The following RGSL1 variants were observed in gnomAD, a reference collection of about 807,000 sequenced individuals.
RGSL1 encodes the protein regulator of G protein signaling like 1, also known as regulator of G protein signaling protein-like.
RGSL1 carries 97 observed loss-of-function variants against 124.7 expected under a neutral mutation model. The observed-to-expected ratio is 0.78, with a 90% CI of 0.66 to 0.92. The LOEUF is 0.92. Among genes scored for constraint, RGSL1 ranks in the 40% least tolerant of loss-of-function variants. The pLI is 0.00. For missense variants in RGSL1, 1,233 were observed against 1,288.4 expected (o/e 0.96, Z 0.66); for synonymous variants, 424 against 438.1 (o/e 0.97, Z 0.40).
At chr1:182,492,188 G>A (rs765582351) in intron 8 of RGSL1, among the ~76,000 whole-genome samples, 2 of 152,164 alleles carry the variant, frequency 1.3e-5, no homozygotes, top group African/African-American at 4.8e-5. Context: ...TTTTTTTGAA[G>A]CAATAGTAGA....
chr1:182,543,708 T>G (rs4651125), intron 15 of RGSL1, among the ~76,000 whole-genome samples: 79,439 of 151,800 alleles, frequency 0.52, 20,996 homozygotes, highest in Non-Finnish European at 0.56. Context: ...GGCTTCAATC[T>G]TGTTACTCAT....
At chr1:182,527,540 T>C in intron 10 of RGSL1, 39 bp from the exon 11 acceptor site, 2 of 1,491,374 alleles carry the variant, frequency 1.3e-6, no homozygotes, top group Non-Finnish European at 1.8e-6. Context: ...AGAATCATCA[T>C]TCCTTTCTCT....
At position 182,548,733 on chromosome 1, in the gene RGSL1, C is replaced by G; in HGVS notation, c.2842C>G (p.Leu948Val). 2 of 1,551,628 alleles carry G rather than the reference C, an allele frequency of 1.3e-6. No homozygotes were observed. The highest frequency in any genetic ancestry group is 2.0e-5 in the Admixed American group (1 of 50,994). Reference sequence around the variant, plus strand: ...CCCTGAGTTCCAGAAGGATGCCATCCTTGCTGCCATCACAGAGGGCTACCT... The same window carrying G: ...CCCTGAGTTCCAGAAGGATGCCATCGTTGCTGCCATCACAGAGGGCTACCT... ...NVPEFQKDAI[L>V]AAITEGYLDR... The change falls in exon 17 of 22, where the codon CTT (leucine) becomes GTT (valine). Residue 948 changes from leucine (L) to valine (V), a missense_variant. Coordinates refer to ENST00000294854, the MANE Select transcript of RGSL1 (RefSeq NM_001137669.2).
At chr1:182,499,767 TG>T (rs1656213204) in intron 9 of RGSL1, among the ~76,000 whole-genome samples, 1 of 152,230 alleles carries the variant, frequency 6.6e-6, no homozygotes, top group African/African-American at 2.4e-5. Flanking sequence ...ATAGTGTCAA[TG>T]GCCTATGTAC....
chr1:182,504,099 G>A (rs919658728), intron 9 of RGSL1, among the ~76,000 whole-genome samples: 2 of 150,390 alleles, frequency 1.3e-5, no homozygotes, highest in Non-Finnish European at 2.9e-5. Flanking sequence ...CCCTGCCTCA[G>A]CCTCCTGAGT....
chr1:182,548,733 C>T lies in RGSL1; in HGVS notation c.2842C>T (p.Leu948Phe). ...CCCTGAGTTCCAGAAGGATGCCATC[C>T]TTGCTGCCATCACAGAGGGCTACCT... Reference protein sequence around the residue: ...NVPEFQKDAILAAITEGYLDR... With the variant: ...NVPEFQKDAIFAAITEGYLDR... The change falls in exon 17 of 22, where the codon CTT becomes TTT. Residue 948 changes from leucine (L) to phenylalanine (F), a missense_variant. Coordinates refer to ENST00000294854, the MANE Select transcript of RGSL1 (RefSeq NM_001137669.2). 1.3e-6 allele frequency: 2 copies of T among 1,551,628 alleles called. No individual in the cohort carries two copies. Among genetic ancestry groups the T allele is most frequent in the Non-Finnish European group, 1.7e-6 (2 of 1,146,964 alleles).
intron 9 of RGSL1, among the ~76,000 whole-genome samples, chr1:182,521,793 T>C (rs1192415267): frequency 1.3e-5 from 2 of 152,204 alleles, no homozygotes; most frequent in African/African-American, 4.8e-5. Flanking sequence ...AACATACTTA[T>C]ATAACATAAC....
At chr1:182,449,125 A>G (rs1438001980), upstream of RGSL1, among the ~76,000 whole-genome samples, 2 of 152,224 alleles carry the variant, frequency 1.3e-5, no homozygotes, top group Admixed American at 6.5e-5. Context: ...TGACTAATTA[A>G]TAAGGTGAAT....
chr1:182,506,386 A>AT lies in RGSL1; in HGVS notation c.1825+13263dup, dbSNP rs893409407. ...AGACATTACTAATCTCCCACTCTGG[A>AT]TTTTTTCATTTATCTTTTTAGTACT... On this transcript the variant is annotated intron_variant, in intron 9 of 21. Transcript: ENST00000294854. Among the ~76,000 whole-genome samples the AT allele has an allele frequency of 5.3e-5, 8 of 152,106 alleles. 1 individual carries two copies. The highest frequency in any genetic ancestry group is 1.9e-4 in the East Asian group (1 of 5,170).
chr1:182,518,647 A>G (rs1182430444), intron 9 of RGSL1, among the ~76,000 whole-genome samples: 2 of 152,106 alleles, frequency 1.3e-5, no homozygotes, highest in Admixed American at 1.3e-4. Context: ...TTAAACCTCA[A>G]TCTCACTTTT....
chr1:182,533,153 A>C (rs1226460553), intron 14 of RGSL1, among the ~76,000 whole-genome samples: 1 of 152,240 alleles, frequency 6.6e-6, no homozygotes, highest in East Asian at 1.9e-4. Flanking sequence ...TTGCAGAAAT[A>C]TATAGTATAG....
chr1:182,468,488 A>G (rs573975070), intron 4 of RGSL1, among the ~76,000 whole-genome samples: 7 of 152,336 alleles, frequency 4.6e-5, no homozygotes, highest in African/African-American at 1.7e-4. Flanking sequence ...GAAGCTGGAA[A>G]GTGTCATTCT....
chr1:182,523,461 C>T (rs1478142592), intron 10 of RGSL1, among the ~76,000 whole-genome samples: 1 of 152,166 alleles, frequency 6.6e-6, no homozygotes, highest in Non-Finnish European at 1.5e-5. Flanking sequence ...AATCATTTGT[C>T]ACTTTTGCTT....
At chr1:182,477,686 T>G (rs1654402873) in intron 6 of RGSL1, among the ~76,000 whole-genome samples, 1 of 152,116 alleles carries the variant, frequency 6.6e-6, no homozygotes, top group African/African-American at 2.4e-5. Flanking sequence ...AGGCTCTAAC[T>G]CCATCTGCCC....
intron 11 of RGSL1, among the ~76,000 whole-genome samples, chr1:182,528,732 GC>G (rs1558388331): frequency 6.6e-6 from 1 of 152,176 alleles, no homozygotes; most frequent in Non-Finnish European, 1.5e-5. Flanking sequence ...CACCCTTGTG[GC>G]TTTACAGGGT....
At position 182,527,760 on chromosome 1, in the gene RGSL1, C is replaced by A. The variant is rs1388878239; in HGVS notation, c.2113C>A (p.Gln705Lys). 3.2e-6 allele frequency: 5 copies of A among 1,549,790 alleles called. No homozygotes were observed. The East Asian group carries it at 1.2e-4, about 38-fold the overall frequency. Reference sequence around the variant, plus strand: ...TGTAATCAAGACTTTCTTCCAAGGCCAACTCTCTCCTGGTATGCATCCTCT... The same window carrying A: ...TGTAATCAAGACTTTCTTCCAAGGCAAACTCTCTCCTGGTATGCATCCTCT... ...ENVIKTFFQG[Q>K]LSPEEMLQCD... Residue 705 changes from glutamine (Q) to lysine (K), a missense_variant, in exon 11 of 22, where the codon CAA becomes AAA. Coordinates refer to ENST00000294854, the MANE Select transcript of RGSL1 (RefSeq NM_001137669.2).
chr1:182,461,823 A>G (rs1652863398), intron 4 of RGSL1, among the ~76,000 whole-genome samples: 3 of 152,160 alleles, frequency 2.0e-5, no homozygotes, highest in African/African-American at 7.2e-5. Flanking sequence ...AGAAAGAAAA[A>G]AGTTTAAAGA....
At chr1:182,453,682 C>G (rs1283601722) in intron 1 of RGSL1, 1 of 318,262 alleles carries the variant, frequency 3.1e-6, no homozygotes, top group Non-Finnish European at 5.8e-6. Flanking sequence ...AAGACAGTCA[C>G]AGTAGGAAAA....
intron 9 of RGSL1, among the ~76,000 whole-genome samples, chr1:182,521,594 C>T (rs934768969): frequency 6.6e-6 from 1 of 152,186 alleles, no homozygotes; most frequent in Non-Finnish European, 1.5e-5. Flanking sequence ...TATTACAAAG[C>T]AGGGATTCCA....
Sources: gnomAD v4.1 joint callset for allele counts (sites outside exome capture counted in the v4.1 genomes callset) on GRCh38, gnomAD v4.1.1 for gene constraint, MANE v1.5 for transcripts, NCBI Gene and HGNC (gene_info 2026-07-23, HGNC 2026-07-21) for gene names.